PARP4: variants seen among roughly 807,000 people sequenced by gnomAD.
PARP4 encodes the protein poly(ADP-ribose) polymerase family member 4.
A neutral mutation model predicts 187.7 loss-of-function variants in PARP4; 120 were observed. The observed-to-expected ratio is 0.64, with a 90% confidence interval of 0.55 to 0.74. The LOEUF (loss-of-function observed/expected upper bound fraction) is 0.74, where lower values mean the gene tolerates loss of function less well. PARP4 is among the 30% of genes least tolerant of loss of function. The pLI is 0.00. For missense variants in PARP4, 1,836 were observed against 2,070.5 expected (o/e 0.89, Z 2.20); for synonymous variants, 654 against 740.9 (o/e 0.88, Z 1.90).
In PARP4 at chr13:24,470,096, G is replaced by A. The variant is rs1003024807; in HGVS notation, c.1915-71C>T. On this transcript the variant is annotated intron_variant, in intron 15 of 33. Transcript: ENST00000381989. ...TACATTTGCAGGAACAAGGACGAAC[G>A]AAAATGATTTTGCATATTTATTTGA... The A allele has an allele frequency of 2.0e-5, 23 of 1,165,712 alleles. No individual in the cohort carries two copies. The South Asian group carries it at 2.2e-4, about 11-fold the overall frequency. 72.2% of individuals were successfully genotyped at this position (1,165,712 alleles called of 1,614,324 possible).
chr13:24,466,995 C>G (rs1253209193), intron 17 of PARP4, among the ~76,000 whole-genome samples: 2 of 152,040 alleles, frequency 1.3e-5, no homozygotes, highest in East Asian at 3.9e-4. Flanking sequence ...ATGACCTAAA[C>G]AATACAAAGT....
chr13:24,503,571 C>G, intron 2 of PARP4, 74 bp downstream of exon 2: 1 of 1,534,380 alleles, frequency 6.5e-7, no homozygotes, highest in Non-Finnish European at 9.0e-7. Context: ...TCTCTGCTTC[C>G]TCTTCTAACC....
rs763406089 is a variant in PARP4 at position 24,434,412 on chromosome 13, G to A, written c.4729C>T (p.Leu1577Phe). 1.0e-5 allele frequency: 16 copies of A among 1,565,290 alleles called. No homozygotes were observed. The highest frequency in any genetic ancestry group is 1.8e-4 in the Middle Eastern group (1 of 5,538). ...WQDAVPWTEL[L>F]SLQTEDGFWK... ...ACACATACCTCTGTCTGTAGACTGA[G>A]GAGTTCTGTCCAAGGCACAGCATCC... The change falls in exon 31 of 34, where the codon CTC (leucine) becomes TTC (phenylalanine). Residue 1577 changes from leucine to phenylalanine, a missense_variant. Leu to Phe is a conservative substitution (Grantham distance 22). Around this residue, in one of 8 missense-constraint regions of PARP4, gnomAD observed 450 missense variants for 439.2 expected, o/e 1.02. Coordinates refer to ENST00000381989, the MANE Select transcript of PARP4 (RefSeq NM_006437.4).
intron 17 of PARP4, among the ~76,000 whole-genome samples, chr13:24,461,441 A>G (rs1872210631): frequency 6.6e-6 from 1 of 152,160 alleles, no homozygotes; most frequent in African/African-American, 2.4e-5. Flanking sequence ...GCAATCTACA[A>G]AATCATAACT....
intron 12 of PARP4, among the ~76,000 whole-genome samples, chr13:24,483,832 G>A (rs1318384713): frequency 6.6e-6 from 1 of 152,136 alleles, no homozygotes; most frequent in Non-Finnish European, 1.5e-5. Context: ...TCGCCACATT[G>A]GCCAGGCTGG....
chr13:24,450,491 C>T (rs1275716848), intron 24 of PARP4, among the ~76,000 whole-genome samples: 1 of 151,882 alleles, frequency 6.6e-6, no homozygotes, highest in African/African-American at 2.4e-5. Flanking sequence ...TCTTTACCCT[C>T]CATATTAATT....
rs368461517 is a variant in PARP4 at position 24,491,311 on chromosome 13, G to A, written c.1054-483C>T. Reference sequence around the variant, plus strand: ...AACTTCTTGTATTTTTAATAGAGATGGGGTTTCACCATGTTGGCCAGGCTG... The same window carrying A: ...AACTTCTTGTATTTTTAATAGAGATAGGGTTTCACCATGTTGGCCAGGCTG... On this transcript the variant is annotated intron_variant, in intron 9 of 33. Transcript: ENST00000381989. Among the ~76,000 whole-genome samples the A allele has an allele frequency of 1.4e-3, 214 of 152,168 alleles. 1 individual carries two copies. The highest frequency in any genetic ancestry group is 4.9e-3 in the African/African-American group (202 of 41,506).
intron 32 of PARP4, among the ~76,000 whole-genome samples, chr13:24,430,085 T>C (rs1243386811): frequency 2.0e-5 from 3 of 152,234 alleles, no homozygotes; most frequent in Non-Finnish European, 4.4e-5. Context: ...GTTTTAAATA[T>C]TTTATTCAAA....
chr13:24,470,818 C>G (rs1593624833), intron 15 of PARP4, among the ~76,000 whole-genome samples: 1 of 152,082 alleles, frequency 6.6e-6, no homozygotes, highest in African/African-American at 2.4e-5. Context: ...GCTTGGCTGC[C>G]CCTAGGGTGT....
chr13:24,442,051 T>C, intron 29 of PARP4, 83 bp from the exon 30 acceptor site: 2 of 1,303,576 alleles, frequency 1.5e-6, no homozygotes, highest in South Asian at 1.5e-5. Flanking sequence ...CTATGGGGTG[T>C]TGGTTTGGGA....
intron 30 of PARP4, among the ~76,000 whole-genome samples, chr13:24,436,258 A>C (rs1220415012): frequency 2.0e-5 from 3 of 152,386 alleles, no homozygotes; most frequent in Non-Finnish European, 4.4e-5. Context: ...AATATTAAGA[A>C]AATGAGATCA....
chr13:24,510,735 A>C (rs1235559598), intron 1 of PARP4, among the ~76,000 whole-genome samples: 1 of 143,370 alleles, frequency 7.0e-6, no homozygotes, highest in East Asian at 2.0e-4. Context: ...CAGTTTTTAA[A>C]ACTGTGTGTA....
intron 31 of PARP4, among the ~76,000 whole-genome samples, chr13:24,434,001 A>T (rs4770679): frequency 6.6e-6 from 1 of 152,116 alleles, no homozygotes; most frequent in South Asian, 2.1e-4. Flanking sequence ...GAGTACAGGT[A>T]CAAGTGCTTG....
At chr13:24,427,354 T>G (rs1712953995) in intron 32 of PARP4, among the ~76,000 whole-genome samples, 1 of 148,056 alleles carries the variant, frequency 6.8e-6, no homozygotes, top group Non-Finnish European at 1.5e-5. Context: ...CATTTTCATT[T>G]TAAAAATCCA....
chr13:24,431,380 G>A lies in PARP4; in HGVS notation c.4843C>T (p.Leu1615=). ...SFLKQKGIQS[L]GVKGRECLLD... Reference sequence around the variant, plus strand: ...AAATGGAAACATAGTGCCTTACCTAGAGATTGAATGCCTTTTTGTTTAAGA... The same window carrying A: ...AAATGGAAACATAGTGCCTTACCTAAAGATTGAATGCCTTTTTGTTTAAGA... Residue 1615 remains leucine (L), a synonymous_variant, in exon 32 of 34, where the codon CTA becomes TTA. Transcript: ENST00000381989. 6.5e-7 allele frequency: 1 copy of A among 1,541,256 alleles called. No individual in the cohort carries two copies. Among genetic ancestry groups the A allele is most frequent in the Non-Finnish European group, 8.9e-7 (1 of 1,127,896 alleles).
chr13:24,476,733 C>T (rs1873005672), intron 14 of PARP4, among the ~76,000 whole-genome samples: 1 of 152,170 alleles, frequency 6.6e-6, no homozygotes, highest in South Asian at 2.1e-4. Context: ...TTAATGTGTT[C>T]TTACAGTCCT....
intron 6 of PARP4, among the ~76,000 whole-genome samples, chr13:24,497,839 T>A (rs1356173386): frequency 6.6e-6 from 1 of 152,186 alleles, no homozygotes; most frequent in Non-Finnish European, 1.5e-5. Context: ...TGGAAGACCA[T>A]GTGAGGACAC....
intron 9 of PARP4, among the ~76,000 whole-genome samples, chr13:24,491,694 G>A (rs1208448744): frequency 6.6e-6 from 1 of 150,522 alleles, no homozygotes; most frequent in Non-Finnish European, 1.5e-5. Flanking sequence ...AGGCAGGGTT[G>A]GCTGCTGTGG....
At chr13:24,502,385 AAAAAT>A (rs1449718845) in intron 2 of PARP4, among the ~76,000 whole-genome samples, 1 of 152,190 alleles carries the variant, frequency 6.6e-6, no homozygotes, top group African/African-American at 2.4e-5. Context: ...AGAATATCTA[AAAAAT>A]AAAATAATGA....
Sources: allele counts gnomAD v4.1 joint callset (sites outside exome capture counted in the v4.1 genomes callset), GRCh38; gene constraint gnomAD v4.1.1; regional missense constraint gnomAD v4.1.1; transcripts MANE v1.5; gene names NCBI Gene and HGNC (gene_info 2026-07-23, HGNC 2026-07-21).